Variants in CNGA1 observed in about 807,000 individuals in gnomAD.
CNGA1 encodes cyclic nucleotide-gated channel alpha-1.
CNGA1 carries 53 observed loss-of-function variants against 69.7 expected under a neutral mutation model. That is an observed-to-expected ratio of 0.76 (90% CI 0.61 to 0.96). The LOEUF is 0.96. CNGA1 is among the 40% of genes least tolerant of loss of function. The probability of loss-of-function intolerance (pLI) is 0.00; values close to 1 mark genes in which losing one functional copy is unlikely to be tolerated. For synonymous variants in CNGA1, 249 were observed against 283.5 expected (o/e 0.88, Z 1.22); for missense variants, 739 against 811.2 (o/e 0.91, Z 1.08).
intron 3 of CNGA1, among the ~76,000 whole-genome samples, chr4:47,976,798 G>T (rs974632315): frequency 6.6e-6 from 1 of 152,174 alleles, no homozygotes; most frequent in Non-Finnish European, 1.5e-5. Context: ...GGTTGCTGAG[G>T]TATGGAAGTG....
chr4:47,952,259 C>T (rs940065481), intron 4 of CNGA1, among the ~76,000 whole-genome samples: 1 of 151,808 alleles, frequency 6.6e-6, no homozygotes, highest in Non-Finnish European at 1.5e-5. Context: ...TCCCAGCTAC[C>T]TGGGAGGCTG....
At chr4:48,014,639 G>A (rs768325334) in intron 1 of CNGA1, among the ~76,000 whole-genome samples, 1 of 152,094 alleles carries the variant, frequency 6.6e-6, no homozygotes, top group African/African-American at 2.4e-5. Context: ...CAATCTTTGT[G>A]TGCCTCCATT....
Position 47,937,704 on chromosome 4 carries a change from C to G in CNGA1, c.778G>C (p.Gly260Arg), listed in dbSNP as rs745609370. 5.6e-6 allele frequency: 9 copies of G among 1,613,936 alleles called. No homozygotes were observed. The African/African-American group carries it at 9.3e-5, about 17-fold the overall frequency. The change falls in exon 11 of 11, where the codon GGG becomes CGG. Residue 260 changes from glycine (G) to arginine (R), a missense_variant. Transcript: ENST00000514170. ...AATCTAATTTCTGGATAGTTCCACC[C>G]TAACTTAAAATACAGCAAATCAGTT... ...IPTDLLYFKL[G>R]WNYPEIRLNR...
chr4:47,992,952 G>A (rs1329436042), intron 2 of CNGA1, among the ~76,000 whole-genome samples: 1 of 152,070 alleles, frequency 6.6e-6, no homozygotes, highest in African/African-American at 2.4e-5. Context: ...AGATGATCAT[G>A]TGATTTTTGT....
At chr4:47,944,299 C>T (rs537326762) in intron 6 of CNGA1, among the ~76,000 whole-genome samples, 5 of 152,244 alleles carry the variant, frequency 3.3e-5, no homozygotes, top group African/African-American at 1.2e-4. Context: ...AGTGGAAAGC[C>T]TCTGTTAAGA....
chr4:47,938,687 G>A (rs572394043), intron 10 of CNGA1, among the ~76,000 whole-genome samples: 7 of 152,024 alleles, frequency 4.6e-5, no homozygotes, highest in African/African-American at 7.2e-5. Flanking sequence ...CACTGAGCGC[G>A]GCCCTAAGTC....
chr4:47,938,517 T>TGAGTAGCTAG (rs1445325867), intron 10 of CNGA1, among the ~76,000 whole-genome samples: 2 of 151,934 alleles, frequency 1.3e-5, no homozygotes, highest in African/African-American at 4.8e-5. Context: ...CTCAGCCTCC[T>TGAGTAGCTAG]GAGTAGCTAG....
chr4:47,962,282 T>G (rs1489487278), intron 3 of CNGA1, among the ~76,000 whole-genome samples: 3 of 150,972 alleles, frequency 2.0e-5, no homozygotes, highest in Non-Finnish European at 4.4e-5. Flanking sequence ...AGTCGGAGGT[T>G]GCAGTGAGCC....
rs1491074031 is a variant in CNGA1, at chr4:47,942,029, AAT to A, written c.545+10_545+11del. On this transcript the variant is annotated intron_variant, in intron 9 of 10. Transcript: ENST00000514170. ...GAGATCCACAAAAAAAAAAAAAAAA[AAT>A]TATAGACACCTGGCAATAACCATTG... 6 of 1,542,688 alleles carry A rather than the reference AAT, an allele frequency of 3.9e-6. No homozygotes were observed. The highest frequency in any genetic ancestry group is 5.3e-6 in the Non-Finnish European group (6 of 1,123,196).
chr4:47,940,949 T>G, intron 9 of CNGA1, 80 bp from the exon 10 acceptor site: 3 of 937,392 alleles, frequency 3.2e-6, no homozygotes, highest in South Asian at 2.8e-5. Context: ...TATATTTTCT[T>G]TATCATGATG....
chr4:47,949,590 G>T (rs563925879), intron 6 of CNGA1, among the ~76,000 whole-genome samples: 7 of 152,166 alleles, frequency 4.6e-5, no homozygotes, highest in African/African-American at 1.7e-4. Context: ...ACTTATTTTT[G>T]TCAGTCACTC....
intron 3 of CNGA1, among the ~76,000 whole-genome samples, chr4:47,979,166 C>T (rs1741567280): frequency 6.6e-6 from 1 of 151,736 alleles, no homozygotes; most frequent in Admixed American, 6.6e-5. Context: ...ACAAAAAATA[C>T]AAAAATTCGC....
rs150374036 is a variant in CNGA1, at chr4:47,937,463, C to T, written c.1019G>A (p.Arg340His). Residue 340 changes from arginine (R) to histidine (H), a missense_variant, in exon 11 of 11, where the codon CGT becomes CAT. By Grantham distance (29) the Arg-to-His change is conservative (BLOSUM62 0). Transcript: ENST00000514170. ...GCTGTATACGTATTTTCTAGCCAAA[C>T]GGCCAAATTCAGGATCATTAATATC... ...YPDINDPEFG[R>H]LARKYVYSLY... 1,387 of 1,614,134 alleles carry T rather than the reference C, an allele frequency of 8.6e-4. 21 individuals carry two copies. The South Asian group carries it at 0.014, about 16-fold the overall frequency.
chr4:47,994,972 T>C (rs1742421733), intron 2 of CNGA1, among the ~76,000 whole-genome samples: 2 of 152,188 alleles, frequency 1.3e-5, no homozygotes. Context: ...TGTTGGCTGA[T>C]AATTGTTTTG....
chr4:47,956,386 G>A (rs1342548662), intron 3 of CNGA1, among the ~76,000 whole-genome samples: 1 of 152,174 alleles, frequency 6.6e-6, no homozygotes, highest in Admixed American at 6.5e-5. Context: ...TCCCATCTAA[G>A]GAAGTGCGTT....
chr4:47,995,422 C>G (rs1742438853), intron 2 of CNGA1, among the ~76,000 whole-genome samples: 1 of 152,052 alleles, frequency 6.6e-6, no homozygotes, highest in African/African-American at 2.4e-5. Flanking sequence ...CTTTCTTCTA[C>G]TTGTTTAATT....
intron 3 of CNGA1, among the ~76,000 whole-genome samples, chr4:47,956,360 G>A (rs1275204615): frequency 6.6e-6 from 1 of 152,206 alleles, no homozygotes; most frequent in Non-Finnish European, 1.5e-5. Context: ...GTTGTGCCAG[G>A]TGCAGTGGAA....
At chr4:47,946,610 T>G (rs1158556793) in intron 6 of CNGA1, among the ~76,000 whole-genome samples, 1 of 152,172 alleles carries the variant, frequency 6.6e-6, no homozygotes, top group East Asian at 1.9e-4. Flanking sequence ...TACCTAACCA[T>G]GGGACATAAA....
intron 3 of CNGA1, among the ~76,000 whole-genome samples, chr4:47,969,088 TA>T (rs1277345752): frequency 2.0e-5 from 3 of 152,162 alleles, no homozygotes; most frequent in African/African-American, 7.2e-5. Context: ...TAGTTTTGTG[TA>T]AGGTAAAGTG....
Sources: allele counts gnomAD v4.1 joint callset (sites outside exome capture counted in the v4.1 genomes callset), GRCh38; gene constraint gnomAD v4.1.1; transcripts MANE v1.5; gene names NCBI Gene and HGNC (gene_info 2026-07-23, HGNC 2026-07-21).